SLC25A21: variants seen among roughly 807,000 people sequenced by gnomAD.
SLC25A21 encodes the protein solute carrier family 25 member 21.
SLC25A21 carries 47 observed loss-of-function variants against 43.8 expected under a neutral mutation model. The observed-to-expected ratio is 1.07, with a 90% CI of 0.85 to 1.37. The LOEUF (loss-of-function observed/expected upper bound fraction) is 1.37, where lower values mean the gene tolerates loss of function less well. Among genes scored for constraint, SLC25A21 ranks in the 40% most tolerant of loss-of-function variants. The pLI, the probability that SLC25A21 is intolerant of heterozygous loss-of-function variation, is 0.00. For missense variants in SLC25A21, 352 were observed against 350.2 expected, an observed-to-expected ratio of 1.00 and a Z score of -0.04; for synonymous variants, 131 against 121.3, an observed-to-expected ratio of 1.08 and a Z score of -0.52.
At chr14:37,009,987 A>T (rs1399714673) in intron 1 of SLC25A21, among the ~76,000 whole-genome samples, 1 of 152,252 alleles carries the variant, frequency 6.6e-6, no homozygotes, top group African/African-American at 2.4e-5. Context: ...GTGTGTGAAC[A>T]GAATGGTGGG....
intron 1 of SLC25A21, among the ~76,000 whole-genome samples, chr14:36,918,833 A>G (rs1891900609): frequency 6.6e-6 from 1 of 152,014 alleles, no homozygotes; most frequent in Non-Finnish European, 1.5e-5. Context: ...GGAGAAAAAG[A>G]GAGAAGCTGT....
At chr14:36,728,009 T>C (rs1327924730) in intron 5 of SLC25A21, among the ~76,000 whole-genome samples, 1 of 152,172 alleles carries the variant, frequency 6.6e-6, no homozygotes, top group Non-Finnish European at 1.5e-5. Flanking sequence ...CTCAGCTACA[T>C]TTGCTGTCAG....
At chr14:36,726,850 A>G (rs1247655484) in intron 5 of SLC25A21, among the ~76,000 whole-genome samples, 2 of 152,220 alleles carry the variant, frequency 1.3e-5, no homozygotes, top group East Asian at 1.9e-4. Context: ...TGAAGAGTAA[A>G]TAACAGGTAA....
chr14:37,040,441 A>AAGAG (rs1291316842), intron 1 of SLC25A21, among the ~76,000 whole-genome samples: 1 of 45,312 alleles, frequency 2.2e-5, no homozygotes, highest in Non-Finnish European at 3.7e-5. Flanking sequence ...GAAAGAAAGA[A>AAGAG]AAGAAAAATT....
intron 1 of SLC25A21, among the ~76,000 whole-genome samples, chr14:36,896,132 C>T (rs887724183): frequency 7.9e-4 from 121 of 152,270 alleles, no homozygotes; most frequent in African/African-American, 2.8e-3. Context: ...CTAATGTTGA[C>T]AGTGGGGTGT....
intron 1 of SLC25A21, among the ~76,000 whole-genome samples, chr14:37,073,127 CAGA>C (rs373494324): frequency 1.3e-5 from 2 of 152,174 alleles, no homozygotes; most frequent in Admixed American, 1.3e-4. Flanking sequence ...TTCTCAAAAA[CAGA>C]AGATGACATT....
Position 36,684,917 on chromosome 14 carries a change from G to C in SLC25A21, c.612C>G (p.Ile204Met), listed in dbSNP as rs771523078. ...TCCCAAATTTTCTCCAAAACTCCAA[G>C]ATTGGATCCTAAAAGAAAAGAAGAA... ...KNMIPVNKDP[I>M]LEFWRKFGIG... The change falls in exon 8 of 10, where the codon ATC becomes ATG. Residue 204 changes from isoleucine to methionine, a missense_variant. Ile to Met is a conservative substitution (Grantham distance 10). Transcript: ENST00000331299. The C allele has an allele frequency of 6.2e-7, 1 of 1,607,836 alleles. No individual in the cohort carries two copies. Among genetic ancestry groups the C allele is most frequent in the Non-Finnish European group, 8.5e-7 (1 of 1,178,370 alleles).
chr14:36,784,775 T>C (rs1041454913), intron 3 of SLC25A21, among the ~76,000 whole-genome samples: 7 of 152,326 alleles, frequency 4.6e-5, no homozygotes, highest in Non-Finnish European at 7.4e-5. Context: ...GTGTGAGTCT[T>C]ACCATGTGTC....
intron 1 of SLC25A21, among the ~76,000 whole-genome samples, chr14:36,924,180 A>G (rs1892064006): frequency 6.6e-6 from 1 of 152,182 alleles, no homozygotes; most frequent in African/African-American, 2.4e-5. Context: ...TACTGGGTAT[A>G]TACCCAAAGG....
intron 2 of SLC25A21, among the ~76,000 whole-genome samples, chr14:36,860,543 T>A (rs1890037190): frequency 6.6e-6 from 1 of 152,126 alleles, no homozygotes; most frequent in Admixed American, 6.6e-5. Flanking sequence ...GGATCTGTGT[T>A]AATTACACTC....
In SLC25A21 at chr14:36,997,906, C is replaced by T. The variant is rs1419047186; in HGVS notation, c.71-122902G>A. ...TACACTTAGAGATACTGAATGAAGC[C>T]TATAATAACCTTAGGAGAACGTGAT... On this transcript the variant is annotated intron_variant, in intron 1 of 9. Transcript: ENST00000331299. Among the ~76,000 whole-genome samples the T allele has an allele frequency of 2.6e-5, 4 of 151,870 alleles. No individual in the cohort carries two copies. The East Asian group carries it at 7.7e-4, about 29-fold the overall frequency.
intron 3 of SLC25A21, among the ~76,000 whole-genome samples, chr14:36,800,863 A>T (rs1258489568): frequency 6.6e-6 from 1 of 152,146 alleles, no homozygotes; most frequent in Non-Finnish European, 1.5e-5. Flanking sequence ...TTTTTATTCT[A>T]AGGCCCTGTA....
intron 1 of SLC25A21, among the ~76,000 whole-genome samples, chr14:36,982,954 G>T (rs1408445497): frequency 6.6e-6 from 1 of 152,238 alleles, no homozygotes; most frequent in East Asian, 1.9e-4. Flanking sequence ...CTAAATTAAA[G>T]ATTAAAAATA....
At chr14:36,788,392 C>G (rs913832539) in intron 3 of SLC25A21, among the ~76,000 whole-genome samples, 1 of 151,490 alleles carries the variant, frequency 6.6e-6, no homozygotes, top group Non-Finnish European at 1.5e-5. Context: ...TTATCTGAAG[C>G]TGCAAACCGC....
intron 1 of SLC25A21, among the ~76,000 whole-genome samples, chr14:37,002,396 G>A (rs940603642): frequency 2.6e-5 from 4 of 152,108 alleles, no homozygotes; most frequent in Non-Finnish European, 4.4e-5. Flanking sequence ...TACTTCTGTG[G>A]AATTGTTGAG....
At chr14:37,080,311 G>C (rs149074503) in intron 1 of SLC25A21, among the ~76,000 whole-genome samples, 2 of 152,120 alleles carry the variant, frequency 1.3e-5, no homozygotes, top group Non-Finnish European at 2.9e-5. Flanking sequence ...AACCACTCAC[G>C]GCCAAGAGCG....
At chr14:36,826,867 C>T (rs1209683917) in intron 2 of SLC25A21, among the ~76,000 whole-genome samples, 2 of 152,194 alleles carry the variant, frequency 1.3e-5, no homozygotes, top group Non-Finnish European at 2.9e-5. Flanking sequence ...TATAGCCCCT[C>T]ATGCGCCATC....
At chr14:37,131,435 A>G (rs1023482032) in intron 1 of SLC25A21, among the ~76,000 whole-genome samples, 3 of 152,334 alleles carry the variant, frequency 2.0e-5, no homozygotes, top group African/African-American at 7.2e-5. Flanking sequence ...GTACTAACCA[A>G]TGCTGTTGTC....
At chr14:36,963,102 A>G (rs1959533070) in intron 1 of SLC25A21, among the ~76,000 whole-genome samples, 1 of 152,182 alleles carries the variant, frequency 6.6e-6, no homozygotes, top group Non-Finnish European at 1.5e-5. Context: ...AAAGAGGTTG[A>G]AAGTCAAAAT....
Sources: gnomAD v4.1 joint callset for allele counts (sites outside exome capture counted in the v4.1 genomes callset) on GRCh38, gnomAD v4.1.1 for gene constraint, MANE v1.5 for transcripts, NCBI Gene and HGNC (gene_info 2026-07-23, HGNC 2026-07-21) for gene names.